The following IL1RAPL1 variants were observed in gnomAD, a reference collection of about 807,000 sequenced individuals.
The protein encoded by IL1RAPL1 is interleukin 1 receptor accessory protein like 1, also known as interleukin-1 receptor accessory protein-like 1.
Under a neutral mutation model 48.4 loss-of-function variants are expected in IL1RAPL1, and 3 were observed. That is an observed-to-expected ratio of 0.06 (90% CI 0.03 to 0.16). The LOEUF is 0.16. Ranked by LOEUF, IL1RAPL1 falls within the 10% of genes least tolerant of loss-of-function variation. The pLI is 1.00. For synonymous variants in IL1RAPL1, 185 were observed against 187.7 expected, an observed-to-expected ratio of 0.99 and a Z score of 0.12; for missense variants, 349 against 530.6, an observed-to-expected ratio of 0.66 and a Z score of 3.36.
At chrX:28,896,014 G>A (rs1439994037) in intron 2 of IL1RAPL1, among the ~76,000 whole-genome samples, 1 of 112,304 alleles carries the variant, frequency 8.9e-6, no homozygotes, top group East Asian at 2.8e-4. Context: ...CGGGCTGTGG[G>A]CATTACTTGG....
At chrX:29,362,246 A>G (rs372209656) in intron 3 of IL1RAPL1, among the ~76,000 whole-genome samples, 126 of 112,583 alleles carry the variant, frequency 1.1e-3, no homozygotes, top group African/African-American at 3.6e-3. Context: ...AGATTGTAAG[A>G]TTTTGAAAGC....
chrX:28,887,681 A>G (rs1322635735), intron 2 of IL1RAPL1, among the ~76,000 whole-genome samples: 11 of 111,810 alleles, frequency 9.8e-5, no homozygotes, highest in African/African-American at 3.6e-4. Flanking sequence ...CTCTGCATAA[A>G]TAGTGTGATA....
chrX:29,668,025 A>T (rs1926045745), intron 5 of IL1RAPL1, among the ~76,000 whole-genome samples: 2 of 111,760 alleles, frequency 1.8e-5, no homozygotes, highest in Admixed American at 1.9e-4. Context: ...AGATAAATTT[A>T]TGCCAAAAAA....
intron 2 of IL1RAPL1, among the ~76,000 whole-genome samples, chrX:29,061,271 C>T (rs1364228833): frequency 1.8e-5 from 2 of 111,674 alleles, no homozygotes; most frequent in Non-Finnish European, 3.8e-5. Flanking sequence ...TTTTACTAAT[C>T]AATTTGGAAA....
rs201148946 is a variant in IL1RAPL1, at chrX:28,710,907, T to C, written c.-24-78413T>C. ...CCTCAAGTGGCTAGTGGCCATCATA[T>C]TGAACGACAGGTATAGAGTTGTGTA... On this transcript the variant is annotated intron_variant, in intron 1 of 10. Coordinates refer to ENST00000378993, the MANE Select transcript of IL1RAPL1 (RefSeq NM_014271.4). 4.5e-5 allele frequency among the ~76,000 whole-genome samples: 5 copies of C among 112,334 alleles called. No individual in the cohort carries two copies. In the East Asian group the frequency reaches 1.4e-3, roughly 32 times the overall value.
At chrX:29,179,309 C>A (rs1288473113) in intron 2 of IL1RAPL1, among the ~76,000 whole-genome samples, 1 of 111,475 alleles carries the variant, frequency 9.0e-6, no homozygotes, top group Non-Finnish European at 1.9e-5. Context: ...AGAGGTCCTT[C>A]ACATCCCTTG....
Position 28,886,465 on chromosome X carries a change from A to G in IL1RAPL1, c.82+97040A>G, listed in dbSNP as rs1348667488. Among the ~76,000 whole-genome samples, 4 of 109,767 alleles carry G rather than the reference A, an allele frequency of 3.6e-5. No individual in the cohort carries two copies. In the South Asian group the frequency reaches 1.6e-3, roughly 43 times the overall value. Reference sequence around the variant, plus strand: ...AACCAAAGTTGCAAATCATGGAGAAAATCTCTCTGAAGTGCAAGTAAGATA... The same window carrying G: ...AACCAAAGTTGCAAATCATGGAGAAGATCTCTCTGAAGTGCAAGTAAGATA... On this transcript the variant is annotated intron_variant, in intron 2 of 10. Coordinates refer to ENST00000378993, the MANE Select transcript of IL1RAPL1 (RefSeq NM_014271.4).
intron 1 of IL1RAPL1, among the ~76,000 whole-genome samples, chrX:28,650,533 G>A (rs972995886): frequency 2.7e-5 from 3 of 111,652 alleles, no homozygotes; most frequent in African/African-American, 9.8e-5. Context: ...CGACAACGTG[G>A]GAATTCAAGA....
intron 6 of IL1RAPL1, among the ~76,000 whole-genome samples, chrX:29,803,054 CAT>C (rs1255217962): frequency 1.3e-3 from 46 of 35,572 alleles, no homozygotes; most frequent in East Asian, 1.3e-3. Context: ...TATATGTGTA[CAT>C]ATATATGTAT....
At chrX:29,615,686 C>G (rs2147071252) in intron 5 of IL1RAPL1, among the ~76,000 whole-genome samples, 1 of 110,252 alleles carries the variant, frequency 9.1e-6, no homozygotes, top group African/African-American at 3.3e-5. Flanking sequence ...ATATGAACTA[C>G]TAAACTTAAA....
intron 2 of IL1RAPL1, among the ~76,000 whole-genome samples, chrX:29,244,709 A>C (rs970020852): frequency 8.0e-5 from 9 of 112,646 alleles, no homozygotes; most frequent in Non-Finnish European, 1.7e-4. Context: ...GTATGCAAGC[A>C]ATAAAATTTC....
chrX:28,729,618 A>G (rs1006300139), intron 1 of IL1RAPL1, among the ~76,000 whole-genome samples: 5 of 111,003 alleles, frequency 4.5e-5, no homozygotes, highest in African/African-American at 1.6e-4. Flanking sequence ...TTGCCCAATT[A>G]AATATGTTAT....
At chrX:29,574,996 C>G (rs1922728619) in intron 5 of IL1RAPL1, among the ~76,000 whole-genome samples, 1 of 111,750 alleles carries the variant, frequency 8.9e-6, no homozygotes, top group African/African-American at 3.3e-5. Flanking sequence ...GCCTGGGTTT[C>G]ATTGTCCATA....
intron 6 of IL1RAPL1, among the ~76,000 whole-genome samples, chrX:29,839,165 C>A: frequency 8.9e-6 from 1 of 112,244 alleles, no homozygotes; most frequent in Middle Eastern, 4.6e-3. Flanking sequence ...ATTATTACAA[C>A]AATCAACTAC....
At chrX:28,767,683 T>C (rs1279894771) in intron 1 of IL1RAPL1, among the ~76,000 whole-genome samples, 1 of 106,974 alleles carries the variant, frequency 9.3e-6, no homozygotes, top group Non-Finnish European at 1.9e-5. Context: ...AATCCATTTA[T>C]TCCACCTCTC....
chrX:29,649,336 G>A (rs142530591), intron 5 of IL1RAPL1, among the ~76,000 whole-genome samples: 129 of 111,631 alleles, frequency 1.2e-3, no homozygotes, highest in African/African-American at 3.9e-3. Context: ...GTTTACACAT[G>A]CAAAAATTCT....
chrX:28,711,239 C>G (rs968190702), intron 1 of IL1RAPL1, among the ~76,000 whole-genome samples: 13 of 111,243 alleles, frequency 1.2e-4, no homozygotes, highest in Non-Finnish European at 2.4e-4. Context: ...AGTTTACTGA[C>G]ATATTGAATG....
At chrX:29,044,052 G>A (rs1457642871) in intron 2 of IL1RAPL1, among the ~76,000 whole-genome samples, 1 of 112,160 alleles carries the variant, frequency 8.9e-6, no homozygotes, top group African/African-American at 3.2e-5. Flanking sequence ...TTAGACAAAG[G>A]ATTTTTATTA....
In IL1RAPL1 at chrX:29,032,189, G is replaced by T. The variant is rs1229982317; in HGVS notation, c.82+242764G>T. ...TACCACTTTAGAGGGCAATGTTCAT[G>T]TAGCAAATATTATGAATGGCACCAC... On this transcript the variant is annotated intron_variant, in intron 2 of 10. Coordinates refer to ENST00000378993, the MANE Select transcript of IL1RAPL1 (RefSeq NM_014271.4). Among the ~76,000 whole-genome samples, 5 of 112,019 alleles carry T rather than the reference G, an allele frequency of 4.5e-5. No homozygotes were observed. The Admixed American group carries it at 4.8e-4, about 11-fold the overall frequency.
Sources: allele counts gnomAD v4.1 joint callset (sites outside exome capture counted in the v4.1 genomes callset), GRCh38; gene constraint gnomAD v4.1.1; transcripts MANE v1.5; gene names NCBI Gene and HGNC (gene_info 2026-07-23, HGNC 2026-07-21).